Variants in REC114 observed in about 807,000 individuals in gnomAD.
The protein encoded by REC114 is REC114 meiotic recombination protein, also known as meiotic recombination protein REC114.
REC114 carries 27 observed loss-of-function variants against 31.3 expected under a neutral mutation model. That is an observed-to-expected ratio of 0.86 (90% CI 0.64 to 1.19). The LOEUF is 1.19. Ranked by LOEUF, REC114 falls within the 50% of genes most tolerant of loss-of-function variation. REC114 has a pLI of 0.00. For missense variants in REC114, 344 were observed against 326.9 expected (o/e 1.05, Z -0.40); for synonymous variants, 134 against 127.7 (o/e 1.05, Z -0.33).
At chr15:73,486,844 C>G (rs1277767517) in intron 2 of REC114, among the ~76,000 whole-genome samples, 1 of 152,112 alleles carries the variant, frequency 6.6e-6, no homozygotes, top group Non-Finnish European at 1.5e-5. Flanking sequence ...CGCAACCAGC[C>G]TGACCAACAT....
chr15:73,445,282 C>G (rs1396573321), intron 1 of REC114, among the ~76,000 whole-genome samples: 1 of 152,188 alleles, frequency 6.6e-6, no homozygotes, highest in Admixed American at 6.5e-5. Context: ...ATGGCCTCTT[C>G]TTCTAAGAAA....
intron 2 of REC114, among the ~76,000 whole-genome samples, chr15:73,485,584 G>A (rs529167135): frequency 5.3e-5 from 8 of 152,086 alleles, no homozygotes; most frequent in East Asian, 1.9e-4. Flanking sequence ...GTGAGTTCTC[G>A]TGAGATCTGG....
At chr15:73,514,306 G>A (rs941312365) in intron 2 of REC114, among the ~76,000 whole-genome samples, 4 of 151,618 alleles carry the variant, frequency 2.6e-5, no homozygotes, top group Non-Finnish European at 4.4e-5. Flanking sequence ...TTCGGCTCGC[G>A]CACGGTGCGC....
intron 2 of REC114, among the ~76,000 whole-genome samples, chr15:73,504,295 G>A (rs548711098): frequency 6.6e-5 from 10 of 152,076 alleles, no homozygotes; most frequent in African/African-American, 1.9e-4. Context: ...GAGCCACTGC[G>A]CCCGGCCTGA....
At chr15:73,465,043 C>A (rs572019967) in intron 1 of REC114, among the ~76,000 whole-genome samples, 1 of 152,262 alleles carries the variant, frequency 6.6e-6, no homozygotes, top group African/African-American at 2.4e-5. Flanking sequence ...AGGTACCCAC[C>A]ACCACGCCCA....
At chr15:73,485,910 C>A (rs897835145) in intron 2 of REC114, among the ~76,000 whole-genome samples, 1 of 152,130 alleles carries the variant, frequency 6.6e-6, no homozygotes, top group African/African-American at 2.4e-5. Flanking sequence ...CAATTTAATT[C>A]CACTTTTGTG....
At chr15:73,547,002 G>T (rs1217382798) in intron 3 of REC114, among the ~76,000 whole-genome samples, 2 of 151,888 alleles carry the variant, frequency 1.3e-5, no homozygotes, top group African/African-American at 4.8e-5. Flanking sequence ...TGTTGATCTG[G>T]GCAAAAATTT....
At chr15:73,538,748 C>A (rs1894196670) in intron 2 of REC114, among the ~76,000 whole-genome samples, 1 of 152,080 alleles carries the variant, frequency 6.6e-6, no homozygotes, top group Non-Finnish European at 1.5e-5. Context: ...AGCCACCGCA[C>A]CTGGCTCAAA....
At chr15:73,491,990 A>G (rs1028271405) in intron 2 of REC114, among the ~76,000 whole-genome samples, 2 of 152,058 alleles carry the variant, frequency 1.3e-5, no homozygotes, top group Non-Finnish European at 2.9e-5. Context: ...TAACAGTGGT[A>G]CTGTCAGTCT....
intron 1 of REC114, among the ~76,000 whole-genome samples, chr15:73,448,700 C>G (rs534518241): frequency 2.6e-5 from 4 of 152,278 alleles, no homozygotes; most frequent in African/African-American, 7.2e-5. Context: ...TGTCTCCTGA[C>G]TGGGAGACAC....
In REC114 at chr15:73,486,825, T is replaced by A. The variant is rs1893377864; in HGVS notation, c.249+12904T>A. On this transcript the variant is annotated intron_variant, in intron 2 of 5. Coordinates refer to ENST00000331090, the MANE Select transcript of REC114 (RefSeq NM_001042367.2). ...ACTGAGGTGGGCGGATCACCTGAGG[T>A]TGGGAGTTCGCAACCAGCCTGACCA... Among the ~76,000 whole-genome samples the A allele has an allele frequency of 2.0e-5, 3 of 152,012 alleles. No individual in the cohort carries two copies. The South Asian group carries it at 6.2e-4, about 32-fold the overall frequency.
intron 2 of REC114, among the ~76,000 whole-genome samples, chr15:73,515,498 C>G (rs1032153198): frequency 2.0e-5 from 3 of 152,030 alleles, no homozygotes; most frequent in Non-Finnish European, 4.4e-5. Context: ...GTGTCTCTGC[C>G]CATATTCATA....
At chr15:73,446,871 G>T (rs1008823962) in intron 1 of REC114, among the ~76,000 whole-genome samples, 1 of 152,198 alleles carries the variant, frequency 6.6e-6, no homozygotes, top group African/African-American at 2.4e-5. Context: ...ATCTTTGAAA[G>T]ATCACTCTGG....
At chr15:73,547,115 A>G (rs1301962117) in intron 3 of REC114, among the ~76,000 whole-genome samples, 1 of 152,174 alleles carries the variant, frequency 6.6e-6, no homozygotes, top group Admixed American at 6.5e-5. Context: ...GAGACAACCC[A>G]CAGAAGGGGA....
intron 2 of REC114, among the ~76,000 whole-genome samples, chr15:73,504,368 AT>A (rs1893646319): frequency 3.3e-5 from 5 of 152,050 alleles, no homozygotes; most frequent in African/African-American, 1.2e-4. Flanking sequence ...ATCTTTTTGT[AT>A]AGGAATTCAA....
At chr15:73,467,730 CTG>C (rs1893080766) in intron 1 of REC114, among the ~76,000 whole-genome samples, 1 of 152,116 alleles carries the variant, frequency 6.6e-6, no homozygotes, top group Non-Finnish European at 1.5e-5. Context: ...GAATTAGTGT[CTG>C]TACTAATTTC....
At chr15:73,503,608 A>G (rs1223931956) in intron 2 of REC114, among the ~76,000 whole-genome samples, 2 of 152,210 alleles carry the variant, frequency 1.3e-5, no homozygotes, top group Non-Finnish European at 2.9e-5. Flanking sequence ...CATGCTTGAA[A>G]TAAGCAACAT....
At chr15:73,448,552 G>T (rs796451959) in intron 1 of REC114, among the ~76,000 whole-genome samples, 22 of 152,312 alleles carry the variant, frequency 1.4e-4, no homozygotes, top group African/African-American at 4.8e-4. Context: ...CCTGGAGGAA[G>T]GGGTGGCTGT....
chr15:73,470,330 AATT>A (rs1893117200), intron 1 of REC114, among the ~76,000 whole-genome samples: 1 of 152,096 alleles, frequency 6.6e-6, no homozygotes, highest in Non-Finnish European at 1.5e-5. Flanking sequence ...TTGCCCATGT[AATT>A]ATTATTTCCT....
Sources: allele counts gnomAD v4.1 joint callset (sites outside exome capture counted in the v4.1 genomes callset), GRCh38; gene constraint gnomAD v4.1.1; transcripts MANE v1.5; gene names NCBI Gene and HGNC (gene_info 2026-07-23, HGNC 2026-07-21).